The following ATP8A2 variants were observed in gnomAD, a reference collection of about 807,000 sequenced individuals.
ATP8A2 encodes the protein phospholipid-transporting ATPase IB.
In ATP8A2, 100 loss-of-function variants were observed where a neutral mutation model predicts 165.6. The ratio of observed to expected loss-of-function variants is 0.60; its 90% CI spans 0.51 to 0.71. The LOEUF (loss-of-function observed/expected upper bound fraction) is 0.71. Ranked by LOEUF, ATP8A2 falls within the 30% of genes least tolerant of loss-of-function variation. The pLI is 0.00. For missense variants in ATP8A2, 1,227 were observed against 1,479.5 expected, an observed-to-expected ratio of 0.83 and a Z score of 2.80; for synonymous variants, 543 against 548.8, an observed-to-expected ratio of 0.99 and a Z score of 0.15.
intron 7 of ATP8A2, 80 bp downstream of exon 7, chr13:25,538,141 G>C: frequency 1.0e-6 from 1 of 1,002,596 alleles, no homozygotes. Context: ...GGGCAGTCTT[G>C]AGCAGCCTGT....
intron 6 of ATP8A2, chr13:25,534,211 C>T (rs753603855): frequency 1.9e-6 from 1 of 532,800 alleles, no homozygotes; most frequent in Non-Finnish European, 3.9e-6. Flanking sequence ...AGAAATTTCT[C>T]CTTTATAGTG....
chr13:25,753,629 A>G (rs193198891), intron 25 of ATP8A2, among the ~76,000 whole-genome samples: 198 of 152,300 alleles, frequency 1.3e-3, no homozygotes, highest in African/African-American at 4.7e-3. Context: ...ATTATCCTCA[A>G]CCTGGAGGGA....
chr13:25,892,060 C>T (rs556881910), intron 33 of ATP8A2, among the ~76,000 whole-genome samples: 2 of 151,472 alleles, frequency 1.3e-5, no homozygotes, highest in East Asian at 1.9e-4. Flanking sequence ...GATCTTGGCT[C>T]ACTGCAAGCT....
At chr13:25,834,731 G>A (rs1381844110) in intron 28 of ATP8A2, among the ~76,000 whole-genome samples, 1 of 152,202 alleles carries the variant, frequency 6.6e-6, no homozygotes, top group South Asian at 2.1e-4. Context: ...CTGGAATGCA[G>A]TGGTGCAATC....
intron 24 of ATP8A2, among the ~76,000 whole-genome samples, chr13:25,638,536 G>A (rs973607509): frequency 1.3e-5 from 2 of 152,134 alleles, no homozygotes; most frequent in Non-Finnish European, 1.5e-5. Flanking sequence ...ATGAAATGAA[G>A]CGAGAAGAGA....
intron 35 of ATP8A2, among the ~76,000 whole-genome samples, chr13:25,986,236 C>A (rs1956279061): frequency 2.0e-5 from 3 of 152,206 alleles, no homozygotes; most frequent in Admixed American, 1.3e-4. Context: ...CACTGAAGAT[C>A]TACTCTCAGC....
At chr13:25,391,534 T>A (rs1010321254) in intron 1 of ATP8A2, among the ~76,000 whole-genome samples, 2 of 152,234 alleles carry the variant, frequency 1.3e-5, no homozygotes, top group African/African-American at 4.8e-5. Context: ...GCAAGAAAGG[T>A]GAAGCTAATA....
At chr13:25,655,399 T>A (rs1240829596) in intron 24 of ATP8A2, among the ~76,000 whole-genome samples, 1 of 152,308 alleles carries the variant, frequency 6.6e-6, no homozygotes, top group East Asian at 1.9e-4. Context: ...CCTCAGGTGA[T>A]CCACCCACCT....
chr13:25,658,206 A>G (rs1291994133), intron 24 of ATP8A2, among the ~76,000 whole-genome samples: 1 of 152,202 alleles, frequency 6.6e-6, no homozygotes, highest in African/African-American at 2.4e-5. Context: ...TCTAAGTTGT[A>G]TTACTTGAAA....
At chr13:25,864,902 C>A (rs116433377) in intron 33 of ATP8A2, among the ~76,000 whole-genome samples, 9 of 152,324 alleles carry the variant, frequency 5.9e-5, no homozygotes, top group African/African-American at 2.2e-4. Context: ...AAATGTGTAA[C>A]TTTAGTGTCA....
chr13:25,736,035 A>G (rs2043760987), intron 25 of ATP8A2, among the ~76,000 whole-genome samples: 2 of 152,242 alleles, frequency 1.3e-5, no homozygotes, highest in African/African-American at 4.8e-5. Context: ...TAGATACACA[A>G]ATACTTATCA....
At chr13:25,534,364 C>G (rs2038211504) in intron 6 of ATP8A2, 4 of 386,766 alleles carry the variant, frequency 1.0e-5, no homozygotes, top group South Asian at 7.9e-5. Flanking sequence ...GCTCCCAATG[C>G]TGAAGGAATT....
chr13:25,664,885 AAAG>A (rs141958072), intron 24 of ATP8A2, among the ~76,000 whole-genome samples: 10,204 of 152,010 alleles, frequency 0.067, 917 homozygotes, highest in East Asian at 0.24. Flanking sequence ...GCTTTAACTA[AAAG>A]AAGATTGACA....
intron 25 of ATP8A2, among the ~76,000 whole-genome samples, chr13:25,757,555 T>C (rs2044290321): frequency 6.6e-6 from 1 of 152,110 alleles, no homozygotes; most frequent in South Asian, 2.1e-4. Context: ...GGGTGTTCTC[T>C]GCCAAGCTGC....
intron 25 of ATP8A2, among the ~76,000 whole-genome samples, chr13:25,723,639 G>A (rs545833026): frequency 6.6e-6 from 1 of 152,226 alleles, no homozygotes; most frequent in Admixed American, 6.5e-5. Context: ...AGGCTGTAGC[G>A]ATTGTTAGCT....
intron 24 of ATP8A2, among the ~76,000 whole-genome samples, chr13:25,592,917 A>G (rs867850049): frequency 6.6e-6 from 1 of 152,226 alleles, no homozygotes; most frequent in African/African-American, 2.4e-5. Flanking sequence ...ATCTTTTAGT[A>G]TAATGACTGT....
chr13:25,919,069 C>A (rs1313837129), intron 33 of ATP8A2, among the ~76,000 whole-genome samples: 1 of 152,198 alleles, frequency 6.6e-6, no homozygotes, highest in Non-Finnish European at 1.5e-5. Flanking sequence ...TAAACCTGAA[C>A]TAAGTAATAC....
chr13:25,646,994 A>G (rs1258663250), intron 24 of ATP8A2, among the ~76,000 whole-genome samples: 1 of 152,206 alleles, frequency 6.6e-6, no homozygotes, highest in Non-Finnish European at 1.5e-5. Flanking sequence ...GTTTGATTAC[A>G]TGCAACAACA....
At chr13:25,611,948 T>C (rs559791271) in intron 24 of ATP8A2, among the ~76,000 whole-genome samples, 4 of 152,302 alleles carry the variant, frequency 2.6e-5, no homozygotes, top group African/African-American at 9.6e-5. Flanking sequence ...TAGCCTTGAA[T>C]GATCTTTTGT....
Sources: gnomAD v4.1 joint callset for allele counts (sites outside exome capture counted in the v4.1 genomes callset) on GRCh38, gnomAD v4.1.1 for gene constraint, MANE v1.5 for transcripts, NCBI Gene and HGNC (gene_info 2026-07-23, HGNC 2026-07-21) for gene names.